CHODL: variants seen among roughly 807,000 people sequenced by gnomAD.
CHODL encodes the protein transmembrane protein MT75.
In CHODL, 29 loss-of-function variants were observed where a neutral mutation model predicts 34.5. The observed-to-expected ratio is 0.84, with a 90% CI of 0.63 to 1.15. CHODL has a LOEUF of 1.15. Among genes scored for constraint, CHODL ranks in the 50% most tolerant of loss-of-function variants. The probability of loss-of-function intolerance (pLI) is 0.00; values close to 1 mark genes in which losing one functional copy is unlikely to be tolerated. For missense variants in CHODL, 332 were observed against 332.5 expected (o/e 1.00, Z 0.01); for synonymous variants, 125 against 116.1 (o/e 1.08, Z -0.49).
chr21:18,066,775 G>A (rs541724755), intron 2 of CHODL, among the ~76,000 whole-genome samples: 1 of 152,228 alleles, frequency 6.6e-6, no homozygotes, highest in South Asian at 2.1e-4. Context: ...GGCTTTTATG[G>A]TGGGACCTAA....
intron 1 of CHODL, among the ~76,000 whole-genome samples, chr21:17,926,995 C>A (rs753174938): frequency 3.3e-5 from 5 of 150,434 alleles, no homozygotes; most frequent in Non-Finnish European, 5.9e-5. Flanking sequence ...CACACACACG[C>A]ACACACACAC....
intron 4 of CHODL, among the ~76,000 whole-genome samples, chr21:18,261,565 G>C (rs2074383309): frequency 6.6e-6 from 1 of 152,010 alleles, no homozygotes; most frequent in Non-Finnish European, 1.5e-5. Context: ...TATTTGGGAG[G>C]CTGAGGCAGG....
chr21:18,025,312 G>T (rs979728311), intron 1 of CHODL, among the ~76,000 whole-genome samples: 2 of 152,144 alleles, frequency 1.3e-5, no homozygotes, highest in African/African-American at 4.8e-5. Context: ...AATGTTAGTG[G>T]TATAAAACAT....
At position 18,256,676 on chromosome 21, in the gene CHODL, A is replaced by G. The variant is rs781530660; in HGVS notation, c.247A>G (p.Met83Val). 4.3e-6 allele frequency: 7 copies of G among 1,614,064 alleles called. No individual in the cohort carries two copies. Among genetic ancestry groups the G allele is most frequent in the African/African-American group, 2.7e-5 (2 of 75,024 alleles). The change falls in exon 2 of 6, where the codon ATG (methionine) becomes GTG (valine). Residue 83 changes from methionine (M) to valine (V), a missense_variant. By Grantham distance (21) the Met-to-Val change is conservative (BLOSUM62 1). Transcript: ENST00000299295. ...AGCAGAACAGAAGTTAATAGAGAGC[A>G]TGTTGCAAAACCTGACAAAACCCGG... ...NEAEQKLIESMLQNLTKPGTG... is the reference protein window; with the variant it reads ...NEAEQKLIESVLQNLTKPGTG...
intron 4 of CHODL, 79 bp downstream of exon 4, chr21:18,260,365 A>AGACAAGTTTC: frequency 1.1e-6 from 1 of 893,510 alleles, no homozygotes; most frequent in Non-Finnish European, 1.7e-6. Flanking sequence ...ACCCCAGTGA[A>AGACAAGTTTC]ACTTGTCTTG....
intron 2 of CHODL, among the ~76,000 whole-genome samples, chr21:18,168,200 G>C (rs2146654418): frequency 6.6e-6 from 1 of 152,252 alleles, no homozygotes; most frequent in Admixed American, 6.5e-5. Flanking sequence ...ACTCAGATTG[G>C]CTTCCTTGCT....
chr21:18,070,035 CACCCAT>C (rs2064783596), intron 2 of CHODL, among the ~76,000 whole-genome samples: 1 of 77,040 alleles, frequency 1.3e-5, no homozygotes, highest in Non-Finnish European at 2.9e-5. Context: ...TCCCCCCCCC[CACCCAT>C]TTCCTTTGCT....
At chr21:18,207,432 C>G (rs1314554971) in intron 2 of CHODL, among the ~76,000 whole-genome samples, 1 of 152,124 alleles carries the variant, frequency 6.6e-6, no homozygotes, top group East Asian at 1.9e-4. Flanking sequence ...AGTGGTCATA[C>G]TTCTTATTTT....
At chr21:18,006,810 T>C (rs2063965314) in intron 1 of CHODL, among the ~76,000 whole-genome samples, 1 of 152,214 alleles carries the variant, frequency 6.6e-6, no homozygotes, top group African/African-American at 2.4e-5. Flanking sequence ...AGAATTATAA[T>C]GTTGCCTCCG....
upstream of CHODL, among the ~76,000 whole-genome samples, chr21:18,243,675 A>T (rs2406169): frequency 6.8e-4 from 104 of 152,202 alleles, no homozygotes; most frequent in Non-Finnish European, 1.2e-3. Context: ...AGACGGAGCT[A>T]GAATTCTACT....
rs374152275 is a variant in CHODL at position 17,960,392 on chromosome 21, C to A, written c.-145+42992C>A. On this transcript the variant is annotated intron_variant, in intron 1 of 6. Transcript: ENST00000400127. ...GATTAAATGACTCCTCAAACACCAACATGCCTAGCATGCAGTGTTGCTTTC... is the reference window on the plus strand; with the variant it reads ...GATTAAATGACTCCTCAAACACCAAAATGCCTAGCATGCAGTGTTGCTTTC... Among the ~76,000 whole-genome samples the A allele has an allele frequency of 3.3e-5, 5 of 152,358 alleles. 1 individual carries two copies. The highest frequency in any genetic ancestry group is 6.5e-5 in the Admixed American group (1 of 15,308).
In CHODL at chr21:18,222,649, C is replaced by T. The variant is rs539056840; in HGVS notation, c.-44-33860C>T. Among the ~76,000 whole-genome samples the T allele has an allele frequency of 2.6e-5, 4 of 152,158 alleles. No individual in the cohort carries two copies. In the East Asian group the frequency reaches 5.8e-4, roughly 22 times the overall value. On this transcript the variant is annotated intron_variant, in intron 2 of 6. Coordinates refer to the CHODL transcript ENST00000400127. ...CTCTCCTGGCTTCGAGTTGATTTGG[C>T]CAGCTGCCTTGCTTCCCTCACTGTG...
At chr21:18,127,672 GTTTTTT>G (rs71318127) in intron 2 of CHODL, among the ~76,000 whole-genome samples, 22 of 70,044 alleles carry the variant, frequency 3.1e-4, no homozygotes, top group South Asian at 2.5e-3. Flanking sequence ...CGTTGCCATT[GTTTTTT>G]TTTTTTTTTT....
At chr21:18,108,755 G>A (rs2065307140) in intron 2 of CHODL, among the ~76,000 whole-genome samples, 1 of 152,046 alleles carries the variant, frequency 6.6e-6, no homozygotes, top group African/African-American at 2.4e-5. Flanking sequence ...TGGAGTGAGA[G>A]TAAGGGAGTC....
At chr21:18,126,959 T>C (rs545190256) in intron 2 of CHODL, among the ~76,000 whole-genome samples, 1 of 152,286 alleles carries the variant, frequency 6.6e-6, no homozygotes, top group Admixed American at 6.5e-5. Flanking sequence ...TGCAGATAAA[T>C]TGATGGCCAA....
chr21:18,066,395 G>T (rs955348858), intron 2 of CHODL, among the ~76,000 whole-genome samples: 4 of 151,928 alleles, frequency 2.6e-5, no homozygotes, highest in Non-Finnish European at 5.9e-5. Context: ...ATTCATATTT[G>T]AATATTTTAT....
At chr21:18,152,943 T>G (rs2072988995) in intron 2 of CHODL, among the ~76,000 whole-genome samples, 1 of 152,228 alleles carries the variant, frequency 6.6e-6, no homozygotes, top group South Asian at 2.1e-4. Flanking sequence ...GATTTGGGAC[T>G]ATCTCATGGT....
rs976376931 is a variant in CHODL at position 18,256,692 on chromosome 21, C to A, written c.263C>A (p.Thr88Lys). The part of the protein sequence containing the change: ...KLIESMLQNL[T>K]KPGTGISDGD... ...ATAGAGAGCATGTTGCAAAACCTGA[C>A]AAAACCCGGGACAGGGATTTCTGAT... The change falls in exon 2 of 6, where the codon ACA (threonine) becomes AAA (lysine). Residue 88 changes from threonine to lysine, a missense_variant. Coordinates refer to ENST00000299295, the MANE Select transcript of CHODL (RefSeq NM_024944.3). 1 of 1,613,984 alleles carries A rather than the reference C, an allele frequency of 6.2e-7. No homozygotes were observed. The highest frequency in any genetic ancestry group is 8.5e-7 in the Non-Finnish European group (1 of 1,179,974).
At chr21:18,191,798 T>C (rs1332846707) in intron 2 of CHODL, among the ~76,000 whole-genome samples, 4 of 151,974 alleles carry the variant, frequency 2.6e-5, no homozygotes, top group Admixed American at 6.6e-5. Context: ...TTCCAGGAGG[T>C]TGGGGGCAGG....
Sources: gnomAD v4.1 joint callset for allele counts (sites outside exome capture counted in the v4.1 genomes callset) on GRCh38, gnomAD v4.1.1 for gene constraint, MANE v1.5 for transcripts, NCBI Gene and HGNC (gene_info 2026-07-23, HGNC 2026-07-21) for gene names.